The following SLC5A7 variants were observed in gnomAD, a reference collection of about 807,000 sequenced individuals.
The protein encoded by SLC5A7 is solute carrier family 5 member 7.
In SLC5A7, 19 loss-of-function variants were observed where a neutral mutation model predicts 55.4. The observed-to-expected ratio is 0.34, with a 90% CI of 0.24 to 0.50. The LOEUF (loss-of-function observed/expected upper bound fraction) is 0.50, where lower values mean the gene tolerates loss of function less well. SLC5A7 is among the 20% of genes least tolerant of loss of function. The probability of loss-of-function intolerance (pLI) is 0.98; values close to 1 mark genes in which losing one functional copy is unlikely to be tolerated. For missense variants in SLC5A7, 506 were observed against 705.3 expected (o/e 0.72, Z 3.20); for synonymous variants, 265 against 263.7 (o/e 1.00, Z -0.05).
In SLC5A7 at chr2:108,008,542, C is replaced by A. The variant is rs1191969326; in HGVS notation, c.973C>A (p.Gln325Lys). 3.7e-6 allele frequency: 6 copies of A among 1,613,436 alleles called. No individual in the cohort carries two copies. The highest frequency in any genetic ancestry group is 1.7e-5 in the Admixed American group (1 of 59,900). Residue 325 changes from glutamine (Q) to lysine (K), a missense_variant, in exon 8 of 9, where the codon CAG (glutamine) becomes AAG (lysine). Physicochemically the swap from Gln to Lys is moderately conservative, Grantham distance 53. This residue lies in a region of SLC5A7 where 309 missense variants were observed against 478.6 expected (regional missense o/e 0.65). Coordinates refer to ENST00000264047, the MANE Select transcript of SLC5A7 (RefSeq NM_021815.5). Reference sequence around the variant, plus strand: ...AGACATGATTTTACCAATTGTTCTGCAGTATCTCTGCCCTGTGTATATTTC... The same window carrying A: ...AGACATGATTTTACCAATTGTTCTGAAGTATCTCTGCCCTGTGTATATTTC... ...EADMILPIVL[Q>K]YLCPVYISFF...
chr2:107,994,788 T>C (rs2104347246), intron 4 of SLC5A7, among the ~76,000 whole-genome samples: 1 of 152,202 alleles, frequency 6.6e-6, no homozygotes, highest in East Asian at 1.9e-4. Flanking sequence ...ATGTTAATTT[T>C]AAGAACAAAT....
chr2:107,999,897 C>A (rs189897064), intron 5 of SLC5A7, among the ~76,000 whole-genome samples: 1 of 152,306 alleles, frequency 6.6e-6, no homozygotes, highest in Admixed American at 6.5e-5. Flanking sequence ...GAATTGAAAT[C>A]ACCTACCACT....
rs867373099 is a variant in SLC5A7 at position 108,011,113 on chromosome 2, A to T, written c.*252A>T. 2.1e-5 allele frequency: 7 copies of T among 332,434 alleles called. No individual in the cohort carries two copies. In the East Asian group the frequency reaches 3.3e-4, roughly 16 times the overall value. 20.6% of individuals were successfully genotyped at this position (332,434 alleles called of 1,614,324 possible). A position where few individuals can be genotyped will look rare whatever the true frequency, so the allele number is the denominator to read the frequency against. ...ATAGTTTTGCTAGGTATAAAAAATA[A>T]GTAAAGTTCCACTTAGAGAACAAAG... is the stretch of plus-strand genomic sequence containing the variant. On this transcript the variant is annotated 3_prime_UTR_variant, in exon 9 of 9. Transcript: ENST00000264047.
intron 7 of SLC5A7, among the ~76,000 whole-genome samples, chr2:108,007,743 A>T (rs527347420): frequency 2.0e-5 from 3 of 152,334 alleles, no homozygotes; most frequent in South Asian, 2.1e-4. Flanking sequence ...TCATGATATT[A>T]AAAAAGTTCA....
intron 2 of SLC5A7, among the ~76,000 whole-genome samples, chr2:107,990,523 G>A (rs1161830882): frequency 6.6e-6 from 1 of 151,712 alleles, no homozygotes; most frequent in Non-Finnish European, 1.5e-5. Context: ...AAAAAAAAAA[G>A]CCATTTTAAA....
intron 6 of SLC5A7, among the ~76,000 whole-genome samples, chr2:108,002,303 G>A (rs1252565520): frequency 6.6e-6 from 1 of 152,078 alleles, no homozygotes; most frequent in Non-Finnish European, 1.5e-5. Flanking sequence ...TGTAAGTCAA[G>A]GAATAACATG....
chr2:107,992,328 A>C (rs1047219322), intron 3 of SLC5A7, 109 bp downstream of exon 3: 35 of 588,380 alleles, frequency 5.9e-5, no homozygotes, highest in Admixed American at 4.1e-4. Flanking sequence ...CATTGTAAAA[A>C]AATGTCCCCA....
chr2:107,995,001 G>A (rs1457742986), intron 4 of SLC5A7, among the ~76,000 whole-genome samples: 34 of 152,182 alleles, frequency 2.2e-4, no homozygotes. Context: ...GTATATATGT[G>A]TGTCTGTGTT....
chr2:108,004,291 T>C (rs909584757), intron 6 of SLC5A7, among the ~76,000 whole-genome samples: 1 of 152,200 alleles, frequency 6.6e-6, no homozygotes, highest in Non-Finnish European at 1.5e-5. Context: ...GATATATTGA[T>C]AAAACAGGTC....
intron 1 of SLC5A7, among the ~76,000 whole-genome samples, 180 bp downstream of exon 1, chr2:107,986,943 G>C (rs1677266283): frequency 6.6e-6 from 1 of 152,112 alleles, no homozygotes; most frequent in African/African-American, 2.4e-5. Context: ...ACAAAGTCTG[G>C]GCGCAGGAAA....
chr2:107,993,124 T>C lies in SLC5A7; in HGVS notation c.445T>C (p.Leu149=), dbSNP rs771353715. The change falls in exon 4 of 9, where the codon TTG becomes CTG. Residue 149 remains leucine (L), a synonymous_variant. Transcript: ENST00000264047. The part of the protein sequence containing the change: ...MFWAAAIFSA[L]GATISVIIDV... ...CTGGGCTGCAGCAATTTTCTCTGCT[T>C]TGGGTAAGGACCAGCTAAGTTGTCT... is the stretch of plus-strand genomic sequence containing the variant. 1.2e-5 allele frequency: 19 copies of C among 1,614,058 alleles called. No individual in the cohort carries two copies. The South Asian group carries it at 2.1e-4, about 18-fold the overall frequency.
intron 4 of SLC5A7, among the ~76,000 whole-genome samples, chr2:107,993,680 T>C (rs1381260420): frequency 1.3e-5 from 2 of 152,214 alleles, no homozygotes; most frequent in Non-Finnish European, 2.9e-5. Context: ...CCTAAACTCC[T>C]GAGACAACAG....
At chr2:108,008,435 G>A (rs777761756) in intron 7 of SLC5A7, 30 bp from the exon 8 acceptor site, 3 of 1,580,788 alleles carry the variant, frequency 1.9e-6, no homozygotes, top group Non-Finnish European at 2.6e-6. Flanking sequence ...TTCCTTGGTG[G>A]TTATAATGGT....
At chr2:108,009,362 G>A (rs1436416938) in intron 8 of SLC5A7, among the ~76,000 whole-genome samples, 1 of 151,886 alleles carries the variant, frequency 6.6e-6, no homozygotes, top group Non-Finnish European at 1.5e-5. Flanking sequence ...TAAGTTCTGG[G>A]ATACTTGTGC....
intron 6 of SLC5A7, among the ~76,000 whole-genome samples, chr2:108,004,493 AG>A (rs1678030910): frequency 6.6e-6 from 1 of 152,228 alleles, no homozygotes; most frequent in Non-Finnish European, 1.5e-5. Context: ...CCCAGAACCC[AG>A]AGCCCAGTGA....
chr2:108,011,945 T>C lies in SLC5A7; in HGVS notation c.*1084T>C, dbSNP rs1282593835. 6.6e-6 allele frequency: 1 copy of C among 152,580 alleles called. No homozygotes were observed. The highest frequency in any genetic ancestry group is 1.5e-5 in the Non-Finnish European group (1 of 68,004). The allele number at this position is 152,580 out of a possible 1,614,324, so 9.5% of individuals were successfully genotyped here. A position where few individuals can be genotyped will look rare whatever the true frequency, so the allele number is the denominator to read the frequency against. On this transcript the variant is annotated 3_prime_UTR_variant, in exon 9 of 9. Coordinates refer to ENST00000264047, the MANE Select transcript of SLC5A7 (RefSeq NM_021815.5). ...AGATTTAATGTTACAGCATCTACTC[T>C]TTGGCACTTTTTCACATAAGCCAGC... is the stretch of plus-strand genomic sequence containing the variant.
intron 7 of SLC5A7, among the ~76,000 whole-genome samples, chr2:108,007,121 GA>G (rs1372092888): frequency 2.6e-5 from 4 of 152,038 alleles, no homozygotes; most frequent in African/African-American, 9.7e-5. Flanking sequence ...TAACTTTTAA[GA>G]GCACTTAATG....
At chr2:108,009,435 C>A (rs1678232887) in intron 8 of SLC5A7, among the ~76,000 whole-genome samples, 1 of 151,908 alleles carries the variant, frequency 6.6e-6, no homozygotes, top group African/African-American at 2.4e-5. Flanking sequence ...ACCTATTGAC[C>A]CGTCCTCTAA....
At chr2:107,996,182 G>A (rs180984000) in intron 4 of SLC5A7, among the ~76,000 whole-genome samples, 22 of 152,082 alleles carry the variant, frequency 1.4e-4, no homozygotes, top group Non-Finnish European at 2.2e-4. Flanking sequence ...AAAAAAGAAC[G>A]ACAAAGTGTT....
Sources: allele counts gnomAD v4.1 joint callset (sites outside exome capture counted in the v4.1 genomes callset), GRCh38; gene constraint gnomAD v4.1.1; regional missense constraint gnomAD v4.1.1; transcripts MANE v1.5; gene names NCBI Gene and HGNC (gene_info 2026-07-23, HGNC 2026-07-21).